Variants in SHQ1 observed in about 807,000 individuals in gnomAD.
SHQ1 encodes the protein protein SHQ1 homolog.
In SHQ1, 49 loss-of-function variants were observed where a neutral mutation model predicts 53.8. That is an observed-to-expected ratio of 0.91 (90% CI 0.72 to 1.16). The LOEUF is 1.16. Among genes scored for constraint, SHQ1 ranks in the 50% most tolerant of loss-of-function variants. The pLI is 0.00. For missense variants in SHQ1, 738 were observed against 683.1 expected, an observed-to-expected ratio of 1.08 and a Z score of -0.90; for synonymous variants, 243 against 251.0, an observed-to-expected ratio of 0.97 and a Z score of 0.30.
At chr3:72,768,389 T>C (rs1705777511) in intron 10 of SHQ1, among the ~76,000 whole-genome samples, 1 of 151,996 alleles carries the variant, frequency 6.6e-6, no homozygotes, top group Non-Finnish European at 1.5e-5. Context: ...GGGAAATAAA[T>C]AAATAAACAA....
intron 6 of SHQ1, among the ~76,000 whole-genome samples, chr3:72,819,623 G>A (rs1251258496): frequency 2.0e-5 from 3 of 152,178 alleles, no homozygotes; most frequent in Non-Finnish European, 2.9e-5. Flanking sequence ...ATAAGAGGAA[G>A]AGGAAGGGTT....
intron 10 of SHQ1, among the ~76,000 whole-genome samples, chr3:72,771,049 T>C (rs754276929): frequency 6.6e-6 from 1 of 152,210 alleles, no homozygotes; most frequent in Non-Finnish European, 1.5e-5. Context: ...TATTTGACCT[T>C]AGAGGTCAGA....
At chr3:72,782,843 A>G (rs1430898813) in intron 10 of SHQ1, among the ~76,000 whole-genome samples, 1 of 152,216 alleles carries the variant, frequency 6.6e-6, no homozygotes, top group Non-Finnish European at 1.5e-5. Flanking sequence ...CATATGCCAC[A>G]TTAATCAATG....
chr3:72,759,220 T>G (rs1413300164), intron 10 of SHQ1, among the ~76,000 whole-genome samples: 1 of 152,198 alleles, frequency 6.6e-6, no homozygotes, highest in African/African-American at 2.4e-5. Flanking sequence ...TGTGAGGTTC[T>G]GCAAGGACAT....
chr3:72,811,498 A>G (rs1707121964), intron 9 of SHQ1, among the ~76,000 whole-genome samples: 1 of 152,236 alleles, frequency 6.6e-6, no homozygotes, highest in Non-Finnish European at 1.5e-5. Flanking sequence ...GTTAAAGAAG[A>G]TAGATTTCTC....
At chr3:72,740,381 T>C in the SHQ1 span, among the ~76,000 whole-genome samples, 2,356 of 152,254 alleles carry the variant, frequency 0.015, 50 homozygotes, top group African/African-American at 0.053. Context: ...ATGAAAGGTG[T>C]CCAAATTGGG....
In SHQ1 at chr3:72,828,214, T is replaced by C. The variant is rs367666554; in HGVS notation, c.600-3663A>G. On this transcript the variant is annotated intron_variant, in intron 5 of 10. Coordinates refer to ENST00000325599, the MANE Select transcript of SHQ1 (RefSeq NM_018130.3). The stretch of plus-strand genomic sequence containing the variant: ...ACAAATACAGAACATTATAAAACAA[T>C]GCGGTAAAAAACAAGACAAACTGTA... Among the ~76,000 whole-genome samples, 6 of 152,192 alleles carry C rather than the reference T, an allele frequency of 3.9e-5. No homozygotes were observed. The South Asian group carries it at 8.3e-4, about 21-fold the overall frequency.
chr3:72,732,149 C>CA, the SHQ1 span, among the ~76,000 whole-genome samples: 8 of 151,566 alleles, frequency 5.3e-5, no homozygotes, highest in Admixed American at 4.6e-4. Flanking sequence ...GGGCTCACTG[C>CA]ATCATCTCTC....
chr3:72,806,823 C>T (rs931543171), intron 9 of SHQ1, among the ~76,000 whole-genome samples: 1 of 152,082 alleles, frequency 6.6e-6, no homozygotes, highest in Admixed American at 6.6e-5. Flanking sequence ...TGAAATGTGT[C>T]GTCTCTCTCT....
the SHQ1 span, among the ~76,000 whole-genome samples, chr3:72,730,157 C>T: frequency 1.2e-4 from 18 of 151,936 alleles, no homozygotes; most frequent in Non-Finnish European, 1.6e-4. Context: ...TCACTGTTGC[C>T]CAGGCTGGGG....
At chr3:72,803,949 C>A (rs1194689522) in intron 9 of SHQ1, among the ~76,000 whole-genome samples, 3 of 152,116 alleles carry the variant, frequency 2.0e-5, no homozygotes, top group Non-Finnish European at 4.4e-5. Context: ...CAAGGTCTTA[C>A]CCTGTCACCC....
At position 72,765,557 on chromosome 3, in the gene SHQ1, A is replaced by ATTTT. The variant is rs61074795; in HGVS notation, c.1182-14725_1182-14722dup. Among the ~76,000 whole-genome samples, 92 of 57,176 alleles carry ATTTT rather than the reference A, an allele frequency of 1.6e-3. 3 individuals carry two copies. Among genetic ancestry groups the ATTTT allele is most frequent in the African/African-American group, 6.2e-3 (78 of 12,618 alleles). The allele number at this position is 57,176 out of a possible 152,430, so 37.5% of individuals were successfully genotyped here. On this transcript the variant is annotated intron_variant, in intron 10 of 10. Transcript: ENST00000325599. ...TATATATATATATATATATATATAT[A>ATTTT]TTTTTTTTTTTTTTTTGAGACAGTC...
chr3:72,800,927 T>C (rs578171971), intron 9 of SHQ1, among the ~76,000 whole-genome samples: 1 of 152,234 alleles, frequency 6.6e-6, no homozygotes, highest in African/African-American at 2.4e-5. Context: ...CTTTTTGCCT[T>C]TTCTGCTCTA....
the SHQ1 span, among the ~76,000 whole-genome samples, chr3:72,742,238 G>A: frequency 2.0e-5 from 3 of 150,414 alleles, no homozygotes; most frequent in East Asian, 1.9e-4. Flanking sequence ...AACGTAAAAC[G>A]AAATAAACTA....
chr3:72,823,654 G>A (rs547921975), intron 6 of SHQ1, among the ~76,000 whole-genome samples: 1 of 152,098 alleles, frequency 6.6e-6, no homozygotes, highest in Non-Finnish European at 1.5e-5. Context: ...TGAAAACAAG[G>A]TACAAACCGG....
intron 10 of SHQ1, among the ~76,000 whole-genome samples, chr3:72,751,495 TGTGTGTG>T (rs1559657344): frequency 1.6e-5 from 2 of 123,820 alleles, no homozygotes; most frequent in African/African-American, 8.3e-5. Flanking sequence ...TGTGTGTGTG[TGTGTGTG>T]TGTGTGTATA....
At chr3:72,778,098 T>C (rs1240329435) in intron 10 of SHQ1, among the ~76,000 whole-genome samples, 1 of 152,128 alleles carries the variant, frequency 6.6e-6, no homozygotes, top group African/African-American at 2.4e-5. Flanking sequence ...TTACCAGAAG[T>C]TAATACAATT....
At chr3:72,811,000 A>C (rs1707101883) in intron 9 of SHQ1, among the ~76,000 whole-genome samples, 1 of 152,256 alleles carries the variant, frequency 6.6e-6, no homozygotes, top group Non-Finnish European at 1.5e-5. Context: ...ATAAAAATTA[A>C]GTCTCAATTT....
chr3:72,805,661 T>C (rs1706918405), intron 9 of SHQ1, among the ~76,000 whole-genome samples: 2 of 152,294 alleles, frequency 1.3e-5, no homozygotes, highest in South Asian at 4.1e-4. Context: ...ATAGTGTAGA[T>C]TTAAATTGTA....
Sources: allele counts gnomAD v4.1 joint callset (sites outside exome capture counted in the v4.1 genomes callset), GRCh38; gene constraint gnomAD v4.1.1; transcripts MANE v1.5; gene names NCBI Gene and HGNC (gene_info 2026-07-23, HGNC 2026-07-21).